Variants in CEP95 observed in about 807,000 individuals in gnomAD.
CEP95 encodes the protein centrosomal protein 95.
In CEP95, 98 loss-of-function variants were observed where a neutral mutation model predicts 111.2. That is an observed-to-expected ratio of 0.88 (90% CI 0.75 to 1.04). The LOEUF is 1.04. CEP95 is among the 50% of genes least tolerant of loss of function. CEP95 has a pLI of 0.00. For missense variants in CEP95, 1,027 were observed against 977.2 expected (o/e 1.05, Z -0.68); for synonymous variants, 323 against 327.1 (o/e 0.99, Z 0.14).
At chr17:64,526,914 A>G (rs1358147363) in intron 10 of CEP95, 197 bp from the exon 11 acceptor site, 12 of 416,488 alleles carry the variant, frequency 2.9e-5, no homozygotes, top group Non-Finnish European at 4.8e-5. Context: ...GAGCCCAGCT[A>G]GCACCACTGC....
rs1227480528 is a variant in CEP95 at position 64,534,485 on chromosome 17, G to A, written c.1918-100G>A. On this transcript the variant is annotated intron_variant, in intron 16 of 19. Transcript: ENST00000556440. ...ACTGGCCCCCCACACGTGACATACT[G>A]CCTGAAGACATCGTGATGGGGAGTG... The A allele has an allele frequency of 5.4e-6, 6 of 1,107,292 alleles. No individual in the cohort carries two copies. In the African/African-American group the frequency reaches 6.2e-5, roughly 11 times the overall value. 68.6% of individuals were successfully genotyped at this position (1,107,292 alleles called of 1,614,324 possible).
chr17:64,527,374 A>G (rs1967899424), intron 11 of CEP95, 110 bp downstream of exon 11: 1 of 768,362 alleles, frequency 1.3e-6, no homozygotes, highest in Non-Finnish European at 1.9e-6. Context: ...AGAAATATAT[A>G]AAAGGATCAA....
chr17:64,520,105 G>A (rs1483355215), intron 6 of CEP95, among the ~76,000 whole-genome samples: 1 of 152,130 alleles, frequency 6.6e-6, no homozygotes, highest in Non-Finnish European at 1.5e-5. Context: ...AGTCAAGTGT[G>A]GATACTACAA....
Position 64,537,062 on chromosome 17 carries a change from A to C in CEP95, c.2239A>C (p.Ile747Leu), listed in dbSNP as rs782325464. The C allele has an allele frequency of 1.1e-5, 17 of 1,612,804 alleles. No individual in the cohort carries two copies. Among genetic ancestry groups the C allele is most frequent in the Non-Finnish European group, 1.4e-5 (16 of 1,179,380 alleles). ...ACAGTTTTCATTGCTGGCAGAAGCC[A>C]TATCACAGGAACATCAAGAACTTAA... ...KDQFSLLAEA[I>L]SQEHQELKAR... The change falls in exon 19 of 20, where the codon ATA becomes CTA. Residue 747 changes from isoleucine to leucine, a missense_variant. By Grantham distance (5) the Ile-to-Leu change is conservative. Transcript: ENST00000556440.
chr17:64,517,748 G>A (rs554183715), intron 5 of CEP95, among the ~76,000 whole-genome samples: 2 of 148,824 alleles, frequency 1.3e-5, no homozygotes, highest in African/African-American at 5.0e-5. Flanking sequence ...TGACCAGGCT[G>A]GTCTTGAATT....
In CEP95 at chr17:64,537,690, G is replaced by C. The variant is rs1555681934; in HGVS notation, c.2377G>C (p.Asp793His). Reference protein sequence around the residue: ...LQDMITQNDDDVFFRELEAER... With the variant: ...LQDMITQNDDHVFFRELEAER... The stretch of plus-strand genomic sequence containing the variant: ...GGACATGATAACACAGAATGATGAT[G>C]ATGTTTTCTTCCGGGAACTGGAAGC... The change falls in exon 20 of 20, where the codon GAT (aspartate) becomes CAT (histidine). Residue 793 changes from aspartate (D) to histidine (H), a missense_variant. Transcript: ENST00000556440. 2 of 1,613,370 alleles carry C rather than the reference G, an allele frequency of 1.2e-6. No homozygotes were observed. The highest frequency in any genetic ancestry group is 1.3e-5 in the African/African-American group (1 of 74,912).
At position 64,522,858 on chromosome 17, in the gene CEP95, C is replaced by T. The variant is rs782006714; in HGVS notation, c.872C>T (p.Ala291Val). 9 of 1,612,816 alleles carry T rather than the reference C, an allele frequency of 5.6e-6. No homozygotes were observed. Among genetic ancestry groups the T allele is most frequent in the African/African-American group, 1.3e-5 (1 of 74,860 alleles). Reference protein sequence around the residue: ...EYLHSSHCSPAVNSTGEHTEF... With the variant: ...EYLHSSHCSPVVNSTGEHTEF... ...TTGCATTCAAGTCACTGCTCCCCAG[C>T]CGTAAATTCTACTGGAGAGCATACG... The change falls in exon 8 of 20, where the codon GCC (alanine) becomes GTC (valine). Residue 291 changes from alanine (A) to valine (V), a missense_variant. Coordinates refer to ENST00000556440, the MANE Select transcript of CEP95 (RefSeq NM_138363.3).
chr17:64,507,687 C>G, intron 1 of CEP95: 1 of 986,592 alleles, frequency 1.0e-6, no homozygotes, highest in Non-Finnish European at 1.2e-6. Context: ...TGCGTACAAA[C>G]CAGTTGTCAT....
rs531549068 is a variant in CEP95, at chr17:64,516,765, G to A, written c.410G>A (p.Arg137His). The A allele has an allele frequency of 6.8e-6, 11 of 1,612,836 alleles. No homozygotes were observed. The East Asian group carries it at 1.1e-4, about 16-fold the overall frequency. Residue 137 changes from arginine to histidine, a missense_variant, in exon 5 of 20, where the codon CGT becomes CAT. Arg to His is a conservative substitution (Grantham distance 29). Coordinates refer to ENST00000556440, the MANE Select transcript of CEP95 (RefSeq NM_138363.3). ...QYFKESDRGE[R>H]LEEPESTKES... Reference sequence around the variant, plus strand: ...TTTAAAGAATCTGATCGAGGAGAACGTTTGGAAGAGCCAGAAAGTACTAAA... The same window carrying A: ...TTTAAAGAATCTGATCGAGGAGAACATTTGGAAGAGCCAGAAAGTACTAAA...
intron 8 of CEP95, among the ~76,000 whole-genome samples, 192 bp downstream of exon 8, chr17:64,523,087 G>A (rs542154599): frequency 2.0e-5 from 3 of 152,120 alleles, no homozygotes; most frequent in Non-Finnish European, 4.4e-5. Flanking sequence ...TCAAAGCATC[G>A]TACTCCTTAA....
chr17:64,519,344 TG>T lies in CEP95; in HGVS notation c.500del (p.Gly167AlafsTer27). 6.2e-7 allele frequency: 1 copy of T among 1,613,710 alleles called. No homozygotes were observed. Among genetic ancestry groups the T allele is most frequent in the African/African-American group, 1.3e-5 (1 of 75,026 alleles). On this transcript the variant is annotated frameshift_variant, in exon 6 of 20. Coordinates refer to ENST00000556440, the MANE Select transcript of CEP95 (RefSeq NM_138363.3). LOFTEE classifies it high-confidence loss of function. ...FGRCSLSSEMLGPSWDGDEAE... is the reference protein window; with the variant it reads ...FGRCSLSSEMXGPSWDGDEAE... Reference sequence around the variant, plus strand: ...AGGTGCTCCTTGTCTTCTGAGATGTTGGGCCCCTCTTGGGATGGAGATGAAG... The same window carrying T: ...AGGTGCTCCTTGTCTTCTGAGATGTTGGCCCCTCTTGGGATGGAGATGAAG...
chr17:64,536,496 CTAG>C, intron 17 of CEP95, 103 bp from the exon 18 acceptor site: 3 of 727,854 alleles, frequency 4.1e-6, no homozygotes, highest in Non-Finnish European at 6.6e-6. Flanking sequence ...CTGAATAAAA[CTAG>C]TATTTAAAAA....
intron 4 of CEP95, chr17:64,515,736 T>C (rs1472690342): frequency 1.3e-5 from 2 of 152,172 alleles, no homozygotes; most frequent in Non-Finnish European, 2.9e-5. Flanking sequence ...TAATATATAC[T>C]TACCTGGCAA....
chr17:64,514,210 T>G (rs2039029755), intron 3 of CEP95, 38 bp from the exon 4 acceptor site: 1 of 791,122 alleles, frequency 1.3e-6, no homozygotes, highest in Non-Finnish European at 2.1e-6. Context: ...TCAGATTTCA[T>G]GGTTAAATTT....
intron 11 of CEP95, among the ~76,000 whole-genome samples, chr17:64,527,782 G>A (rs1051550722): frequency 2.0e-4 from 30 of 151,536 alleles, no homozygotes; most frequent in African/African-American, 6.1e-4. Flanking sequence ...ACTTTTGTGT[G>A]GGTATATGTA....
In CEP95 at chr17:64,536,644, CAA is replaced by C; in HGVS notation, c.2115_2116del (p.Arg706IlefsTer14). On this transcript the variant is annotated frameshift_variant, in exon 18 of 20. Transcript: ENST00000556440. LOFTEE classifies it high-confidence loss of function. ...LFEEGLNIQK[Q>X]RLRDLRNYAK... ...TGAAGAAGGTTTAAACATTCAAAAG[CAA>C]AGATTACGAGACCTAAGAAACTATG... 6.2e-7 allele frequency: 1 copy of C among 1,606,312 alleles called. No homozygotes were observed. The highest frequency in any genetic ancestry group is 8.5e-7 in the Non-Finnish European group (1 of 1,177,278).
chr17:64,537,393 T>C (rs948199991), intron 19 of CEP95: 32 of 1,379,478 alleles, frequency 2.3e-5, no homozygotes, highest in Non-Finnish European at 2.9e-5. Context: ...GTAAAGGGAA[T>C]GGAGAGAAGA....
At chr17:64,508,821 C>T (rs1398899406) in intron 2 of CEP95, 101 bp downstream of exon 2, 2 of 419,210 alleles carry the variant, frequency 4.8e-6, no homozygotes, top group African/African-American at 2.1e-5. Context: ...TTCATTTTCT[C>T]TTTGCTTGTT....
intron 12 of CEP95, among the ~76,000 whole-genome samples, chr17:64,530,097 AAAG>A (rs1555679950): frequency 6.6e-6 from 1 of 152,160 alleles, no homozygotes; most frequent in Non-Finnish European, 1.5e-5. Flanking sequence ...TATATATGTT[AAAG>A]TAATGTAGAG....
Sources: gnomAD v4.1 joint callset for allele counts (sites outside exome capture counted in the v4.1 genomes callset) on GRCh38, gnomAD v4.1.1 for gene constraint, MANE v1.5 for transcripts, NCBI Gene and HGNC (gene_info 2026-07-23, HGNC 2026-07-21) for gene names.